Variants in PDCD11 observed in about 807,000 individuals in gnomAD.
The protein encoded by PDCD11 is programmed cell death 11.
A neutral mutation model predicts 198.9 loss-of-function variants in PDCD11; 97 were observed. The ratio of observed to expected loss-of-function variants is 0.49; its 90% CI spans 0.41 to 0.58. The LOEUF is 0.58. Among genes scored for constraint, PDCD11 ranks in the 20% least tolerant of loss-of-function variants. PDCD11 has a pLI of 0.00. For missense variants in PDCD11, 2,102 were observed against 2,312.7 expected (o/e 0.91, Z 1.87); for synonymous variants, 893 against 918.0 (o/e 0.97, Z 0.49).
intron 8 of PDCD11, among the ~76,000 whole-genome samples, chr10:103,410,516 A>T (rs562329549): frequency 1.3e-5 from 2 of 152,232 alleles, no homozygotes; most frequent in East Asian, 1.9e-4. Flanking sequence ...AAAAAATTTT[A>T]AAAAGTACCT....
chr10:103,414,746 C>G (rs1044929025), intron 11 of PDCD11, among the ~76,000 whole-genome samples: 1 of 152,180 alleles, frequency 6.6e-6, no homozygotes, highest in Non-Finnish European at 1.5e-5. Context: ...GACATAGTCC[C>G]TTCCTTTGGG....
At chr10:103,405,371 A>G in intron 5 of PDCD11, 188 bp downstream of exon 5, 1 of 505,110 alleles carries the variant, frequency 2.0e-6, no homozygotes, top group South Asian at 3.0e-5. Context: ...CCTAATCATT[A>G]CATTGGAGAA....
rs114447078 is a variant in PDCD11 at position 103,437,927 on chromosome 10, C to T, written c.3846-88C>T. 4,085 of 1,023,116 alleles carry T rather than the reference C, an allele frequency of 4.0e-3. 48 individuals are homozygous for T. The highest frequency in any genetic ancestry group is 0.02 in the South Asian group (1,540 of 75,698). 63.4% of individuals were successfully genotyped at this position (1,023,116 alleles called of 1,614,324 possible). ...TCCTGTCTCCTCACTCCTGCCTATT[C>T]GTCAGCCTGGAGGAGAGGAAGCTGA... On this transcript the variant is annotated intron_variant, in intron 25 of 35. Coordinates refer to ENST00000369797, the MANE Select transcript of PDCD11 (RefSeq NM_014976.2).
chr10:103,407,544 C>A lies in PDCD11; in HGVS notation c.870+754C>A, dbSNP rs1376423907. ...TGCCACTGCATTCCAGCCTGGGCGA[C>A]TGTGCGAGACTCCGTCTCAAACAAA... is the stretch of plus-strand genomic sequence containing the variant. On this transcript the variant is annotated intron_variant, in intron 7 of 35. Coordinates refer to ENST00000369797, the MANE Select transcript of PDCD11 (RefSeq NM_014976.2). Among the ~76,000 whole-genome samples the A allele has an allele frequency of 2.0e-5, 3 of 152,120 alleles. No homozygotes were observed. The South Asian group carries it at 6.2e-4, about 32-fold the overall frequency.
At chr10:103,429,816 C>T (rs537039498) in intron 21 of PDCD11, among the ~76,000 whole-genome samples, 3 of 152,200 alleles carry the variant, frequency 2.0e-5, no homozygotes, top group Non-Finnish European at 2.9e-5. Flanking sequence ...TCTTCCGCCC[C>T]GGCAACCACC....
At chr10:103,403,747 T>C (rs2030264232) in intron 4 of PDCD11, among the ~76,000 whole-genome samples, 1 of 151,212 alleles carries the variant, frequency 6.6e-6, no homozygotes, top group East Asian at 1.9e-4. Context: ...AGAAGTTGCT[T>C]AGAGACAAGT....
rs371011754 is a variant in PDCD11 at position 103,438,701 on chromosome 10, G to A, written c.3918G>A (p.Thr1306=). 5.1e-5 allele frequency: 83 copies of A among 1,614,166 alleles called. No individual in the cohort carries two copies. In the African/African-American group the frequency reaches 8.1e-4, roughly 16 times the overall value. ...ATTCCTTTAGAACAAACCCGGAGAC[G>A]AAAAGCAAAGTAGAAGATCCAGAGA... The part of the protein sequence containing the change: ...SLRSSRTNPE[T]KSKVEDPEIN... The change falls in exon 27 of 36, where the codon ACG becomes ACA. Residue 1306 remains threonine (T), a synonymous_variant. Coordinates refer to ENST00000369797, the MANE Select transcript of PDCD11 (RefSeq NM_014976.2).
At chr10:103,441,031 A>G (rs2032366698) in intron 30 of PDCD11, among the ~76,000 whole-genome samples, 181 bp downstream of exon 30, 1 of 152,200 alleles carries the variant, frequency 6.6e-6, no homozygotes, top group Non-Finnish European at 1.5e-5. Context: ...AGCAGGCTGC[A>G]TAAAATAAAT....
At position 103,443,242 on chromosome 10, in the gene PDCD11, C is replaced by A. The variant is rs928675062; in HGVS notation, c.5033C>A (p.Thr1678Asn). Residue 1678 changes from threonine (T) to asparagine (N), a missense_variant, in exon 33 of 36, where the codon ACC becomes AAC. Coordinates refer to ENST00000369797, the MANE Select transcript of PDCD11 (RefSeq NM_014976.2). The stretch of plus-strand genomic sequence containing the variant: ...ATGTACGGCTCTCAGGAGTCCCTGA[C>A]CAAGGTCTTTGAGCGAGCCGTGCAG... Reference protein sequence around the residue: ...ENMYGSQESLTKVFERAVQYN... With the variant: ...ENMYGSQESLNKVFERAVQYN... 1 of 1,612,776 alleles carries A rather than the reference C, an allele frequency of 6.2e-7. No homozygotes were observed. Among genetic ancestry groups the A allele is most frequent in the East Asian group, 2.2e-5 (1 of 44,852 alleles).
intron 14 of PDCD11, 85 bp downstream of exon 14, chr10:103,418,017 C>T (rs984108408): frequency 3.8e-5 from 56 of 1,469,140 alleles, no homozygotes; most frequent in Non-Finnish European, 4.6e-5. Flanking sequence ...TTGGAACCCA[C>T]GAAGCGGAAA....
intron 20 of PDCD11, among the ~76,000 whole-genome samples, chr10:103,426,332 T>A (rs1384947890): frequency 6.6e-6 from 1 of 152,214 alleles, no homozygotes; most frequent in Non-Finnish European, 1.5e-5. Context: ...AAAAAAAGAA[T>A]TCAAAGTCTG....
chr10:103,417,624 T>G (rs2031181824), intron 13 of PDCD11, among the ~76,000 whole-genome samples, 168 bp from the exon 14 acceptor site: 1 of 152,240 alleles, frequency 6.6e-6, no homozygotes, highest in Non-Finnish European at 1.5e-5. Context: ...AAGGCTGCCC[T>G]GGGGGATTGT....
intron 16 of PDCD11, 108 bp downstream of exon 16, chr10:103,419,816 G>C: frequency 1.1e-6 from 1 of 947,868 alleles, no homozygotes; most frequent in South Asian, 1.9e-5. Context: ...TTTTGAGACA[G>C]TCTTGTTCTG....
intron 12 of PDCD11, 98 bp downstream of exon 12, chr10:103,415,249 T>C (rs1026393648): frequency 4.9e-5 from 59 of 1,198,162 alleles, no homozygotes; most frequent in Non-Finnish European, 6.8e-5. Flanking sequence ...GAGTGTGTAA[T>C]GTCTGTAGTG....
rs751260837 is a variant in PDCD11 at position 103,441,823 on chromosome 10, C to T, written c.4558-3C>T. 6.2e-7 allele frequency: 1 copy of T among 1,613,650 alleles called. No individual in the cohort carries two copies. Among genetic ancestry groups the T allele is most frequent in the Non-Finnish European group, 8.5e-7 (1 of 1,179,822 alleles). ...TTTCTTTAGCGCCTCTGTGTTCCTC[C>T]AGGAGAAGCAAACCAAGCCAGCAGA... On this transcript the variant is annotated splice_polypyrimidine_tract_variant and splice_region_variant and intron_variant, in intron 30 of 35. Transcript: ENST00000369797.
intron 7 of PDCD11, among the ~76,000 whole-genome samples, chr10:103,408,779 G>A (rs1484483116): frequency 6.6e-6 from 1 of 151,978 alleles, no homozygotes; most frequent in Non-Finnish European, 1.5e-5. Context: ...AGCTCAGGTG[G>A]TCCACCTGCC....
chr10:103,421,519 C>G lies in PDCD11; in HGVS notation c.2449C>G (p.Gln817Glu). ...LAITSLLLLNQCLEELQGVRS... is the reference protein window; with the variant it reads ...LAITSLLLLNECLEELQGVRS... ...TATCACCAGCCTCCTCCTCCTGAAT[C>G]AGTGCCTGGAGGAGCTGCAGGGCGT... The change falls in exon 17 of 36, where the codon CAG becomes GAG. Residue 817 changes from glutamine to glutamate, a missense_variant. Gln to Glu is a conservative substitution (Grantham distance 29). Coordinates refer to ENST00000369797, the MANE Select transcript of PDCD11 (RefSeq NM_014976.2). 1 of 1,582,990 alleles carries G rather than the reference C, an allele frequency of 6.3e-7. No individual in the cohort carries two copies. The highest frequency in any genetic ancestry group is 8.6e-7 in the Non-Finnish European group (1 of 1,163,960).
intron 30 of PDCD11, 76 bp downstream of exon 30, chr10:103,440,926 T>C (rs995376373): frequency 1.1e-5 from 11 of 978,426 alleles, no homozygotes; most frequent in Middle Eastern, 2.2e-4. Context: ...CCTCATCCTC[T>C]TTTACTTCAT....
chr10:103,420,285 G>A (rs2031350757), intron 16 of PDCD11, among the ~76,000 whole-genome samples: 1 of 152,154 alleles, frequency 6.6e-6, no homozygotes. Context: ...TTAGTCTCCA[G>A]TGTGAAGATG....
Sources: gnomAD v4.1 joint callset for allele counts (sites outside exome capture counted in the v4.1 genomes callset) on GRCh38, gnomAD v4.1.1 for gene constraint, MANE v1.5 for transcripts, NCBI Gene and HGNC (gene_info 2026-07-23, HGNC 2026-07-21) for gene names.